Variants in USF3 observed in about 807,000 individuals in gnomAD.
USF3 encodes basic helix-loop-helix domain-containing protein USF3.
Under a neutral mutation model 157.5 loss-of-function variants are expected in USF3, and 29 were observed. The observed-to-expected ratio is 0.18, with a 90% CI of 0.14 to 0.25. The LOEUF is 0.25. USF3 is among the 10% of genes least tolerant of loss of function. The probability of loss-of-function intolerance (pLI) is 1.00; values close to 1 mark genes in which losing one functional copy is unlikely to be tolerated. For missense variants in USF3, 2,381 were observed against 2,667.6 expected, an observed-to-expected ratio of 0.89 and a Z score of 2.37; for synonymous variants, 893 against 941.4, an observed-to-expected ratio of 0.95 and a Z score of 0.94.
chr3:113,656,786 T>A lies in USF3; in HGVS notation c.4896A>T (p.Thr1632=). The change falls in exon 7 of 7, where the codon ACA becomes ACT. Residue 1632 remains threonine (T), a synonymous_variant. Coordinates refer to ENST00000316407, the MANE Select transcript of USF3 (RefSeq NM_001009899.4). ...CCATTTGCTGCTCTAAGCCTCTTGATGTCAAAAGCCTCTGCATTGGATTAT... is the reference window on the plus strand; with the variant it reads ...CCATTTGCTGCTCTAAGCCTCTTGAAGTCAAAAGCCTCTGCATTGGATTAT... ...SGHNPMQRLL[T]SRGLEQQMVS... The A allele has an allele frequency of 6.2e-7, 1 of 1,614,228 alleles. No homozygotes were observed. The highest frequency in any genetic ancestry group is 8.5e-7 in the Non-Finnish European group (1 of 1,180,032).
intron 3 of USF3, among the ~76,000 whole-genome samples, chr3:113,673,626 A>T (rs1244974821): frequency 6.6e-6 from 1 of 152,240 alleles, no homozygotes; most frequent in East Asian, 1.9e-4. Context: ...CCATACCCAG[A>T]AGTCATAGGT....
Position 113,657,226 on chromosome 3 carries a change from G to A in USF3, c.4456C>T (p.His1486Tyr). ...TGATGCTGCATTTGATATAAGTGATGCCTCTCTCTTAACTGCCCTGCTTGT... is the reference window on the plus strand; with the variant it reads ...TGATGCTGCATTTGATATAAGTGATACCTCTCTCTTAACTGCCCTGCTTGT... ...QQQAGQLRER[H>Y]HLYQMQHHVP... Residue 1486 changes from histidine to tyrosine, a missense_variant, in exon 7 of 7, where the codon CAT becomes TAT. Physicochemically the swap from His to Tyr is moderately conservative, Grantham distance 83 (BLOSUM62 2). Around this residue, in one of 6 missense-constraint regions of USF3, gnomAD observed 50 missense variants for 79.7 expected, o/e 0.63. Coordinates refer to ENST00000316407, the MANE Select transcript of USF3 (RefSeq NM_001009899.4). 1 of 1,613,686 alleles carries A rather than the reference G, an allele frequency of 6.2e-7. No individual in the cohort carries two copies. The highest frequency in any genetic ancestry group is 8.5e-7 in the Non-Finnish European group (1 of 1,179,972).
chr3:113,682,720 C>T (rs1559722870), intron 1 of USF3, among the ~76,000 whole-genome samples: 1 of 151,886 alleles, frequency 6.6e-6, no homozygotes, highest in African/African-American at 2.4e-5. Context: ...ATGATGTTGT[C>T]TTTTTTCATA....
chr3:113,695,206 C>G (rs1409700695), intron 1 of USF3, among the ~76,000 whole-genome samples: 1 of 152,198 alleles, frequency 6.6e-6, no homozygotes, highest in Non-Finnish European at 1.5e-5. Flanking sequence ...CTTCTGCTTT[C>G]AGAAGTGCAA....
intron 1 of USF3, among the ~76,000 whole-genome samples, chr3:113,690,948 G>A (rs1008947648): frequency 1.1e-4 from 16 of 152,124 alleles, no homozygotes; most frequent in African/African-American, 3.9e-4. Context: ...AGCACTTTGA[G>A]AGGCCAAGGG....
intron 5 of USF3, among the ~76,000 whole-genome samples, chr3:113,668,369 T>C (rs1245410697): frequency 5.9e-5 from 9 of 151,416 alleles, no homozygotes; most frequent in Non-Finnish European, 8.8e-5. Context: ...CCCAGAATAA[T>C]AGCAACCTCT....
rs149562327 is a variant in USF3, at chr3:113,688,769, G to C, written c.-135+7601C>G. ...ATTAATACAGATGCTGGCTGGGCGC[G>C]GTGGCTCACGCCTGTAACCCCAGCA... On this transcript the variant is annotated intron_variant, in intron 1 of 6. Coordinates refer to ENST00000316407, the MANE Select transcript of USF3 (RefSeq NM_001009899.4). Among the ~76,000 whole-genome samples, 671 of 152,308 alleles carry C rather than the reference G, an allele frequency of 4.4e-3. 7 individuals are homozygous for C. The highest frequency in any genetic ancestry group is 0.015 in the African/African-American group (630 of 41,554).
chr3:113,686,452 A>C (rs1261818395), intron 1 of USF3, among the ~76,000 whole-genome samples: 1 of 152,104 alleles, frequency 6.6e-6, no homozygotes, highest in Non-Finnish European at 1.5e-5. Context: ...GTGATCACTC[A>C]CCTGATTTTG....
At position 113,655,796 on chromosome 3, in the gene USF3, A is replaced by C. The variant is rs1225636966; in HGVS notation, c.5886T>G (p.Asp1962Glu). The C allele has an allele frequency of 6.2e-7, 1 of 1,614,120 alleles. No individual in the cohort carries two copies. The highest frequency in any genetic ancestry group is 1.7e-5 in the Admixed American group (1 of 60,012). Residue 1962 changes from aspartate (D) to glutamate (E), a missense_variant, in exon 7 of 7, where the codon GAT becomes GAG. Around this residue, in one of 6 missense-constraint regions of USF3, gnomAD observed 770 missense variants for 824.2 expected, o/e 0.93. Coordinates refer to ENST00000316407, the MANE Select transcript of USF3 (RefSeq NM_001009899.4). Reference sequence around the variant, plus strand: ...TAGCTTGACGTACAGCAGGGCCTTGATCGCCATTTCCATGAGACACAGATG... The same window carrying C: ...TAGCTTGACGTACAGCAGGGCCTTGCTCGCCATTTCCATGAGACACAGATG... Reference protein sequence around the residue: ...PHPSVSHGNGDQGPAVRQANS... With the variant: ...PHPSVSHGNGEQGPAVRQANS...
rs1227282343 is a variant in USF3 at position 113,657,403 on chromosome 3, C to T, written c.4279G>A (p.Ala1427Thr). Reference protein sequence around the residue: ...EVQCGSQPSVAEQQQTQASQH... With the variant: ...EVQCGSQPSVTEQQQTQASQH... ...CTTGCCTGGGTTTGCTGCTGTTCAG[C>T]AACTGAAGGCTGAGAACCACACTGA... Residue 1427 changes from alanine to threonine, a missense_variant, in exon 7 of 7, where the codon GCT becomes ACT. By Grantham distance (58) the Ala-to-Thr change is moderately conservative. Transcript: ENST00000316407. The T allele has an allele frequency of 4.3e-6, 7 of 1,614,006 alleles. No homozygotes were observed. The highest frequency in any genetic ancestry group is 5.9e-6 in the Non-Finnish European group (7 of 1,180,044).
Position 113,651,370 on chromosome 3 carries a change from G to C in USF3, c.*3574C>G, listed in dbSNP as rs574881799. ...CCAAAGCCAAGACTTGGGAATCACT[G>C]ATTTGGGAGTATGACTTACCACCAC... On this transcript the variant is annotated 3_prime_UTR_variant, in exon 7 of 7. Coordinates refer to ENST00000316407, the MANE Select transcript of USF3 (RefSeq NM_001009899.4). 19 of 152,288 alleles carry C rather than the reference G, an allele frequency of 1.2e-4. 1 individual carries two copies. The highest frequency in any genetic ancestry group is 3.9e-4 in the African/African-American group (16 of 41,556). 9.4% of individuals were successfully genotyped at this position (152,288 alleles called of 1,614,324 possible). A position where few individuals can be genotyped will look rare whatever the true frequency, so the allele number is the denominator to read the frequency against.
In USF3 at chr3:113,649,499, GTTTT is replaced by G. The variant is rs769258375; in HGVS notation, c.*5441_*5444del. 1.4e-4 allele frequency: 32 copies of G among 230,974 alleles called. No individual in the cohort carries two copies. Among genetic ancestry groups the G allele is most frequent in the Admixed American group, 2.9e-4 (5 of 17,352 alleles). 14.3% of individuals were successfully genotyped at this position (230,974 alleles called of 1,614,324 possible). On this transcript the variant is annotated 3_prime_UTR_variant, in exon 7 of 7. Coordinates refer to ENST00000316407, the MANE Select transcript of USF3 (RefSeq NM_001009899.4). Reference sequence around the variant, plus strand: ...AGTTTAACAGGAGTTTTGCTACTAGGTTTTTTTTTTGTTTTTTGTTTTTTTTTAC... The same window carrying G: ...AGTTTAACAGGAGTTTTGCTACTAGGTTTTTTGTTTTTTGTTTTTTTTTAC...
At position 113,657,260 on chromosome 3, in the gene USF3, CTGT is replaced by C. The variant is rs749978501; in HGVS notation, c.4419_4421del (p.Gln1478del). ...TTAACTGCCCTGCTTGTTGTTGTTG[CTGT>C]TGCTGCTGCTGCTGCTGCTGCTGCT... On this transcript the variant is annotated inframe_deletion, in exon 7 of 7. Transcript: ENST00000316407. The C allele has an allele frequency of 2.9e-5, 44 of 1,542,434 alleles. No individual in the cohort carries two copies. Among genetic ancestry groups the C allele is most frequent in the Admixed American group, 3.9e-5 (2 of 51,046 alleles).
chr3:113,673,419 G>A (rs1483870670), intron 3 of USF3, 43 bp from the exon 4 acceptor site: 4 of 1,249,018 alleles, frequency 3.2e-6, no homozygotes, highest in African/African-American at 1.5e-5. Context: ...GAAAATAATG[G>A]GAAAGTATTT....
chr3:113,679,239 T>A (rs1286848777), intron 1 of USF3, among the ~76,000 whole-genome samples: 2 of 150,782 alleles, frequency 1.3e-5, no homozygotes, highest in African/African-American at 2.4e-5. Flanking sequence ...AGTGTGGTGC[T>A]CAGATCACCT....
rs769735763 is a variant in USF3 at position 113,658,177 on chromosome 3, A to G, written c.3505T>C (p.Leu1169=). The G allele has an allele frequency of 1.7e-5, 28 of 1,614,098 alleles. No homozygotes were observed. The highest frequency in any genetic ancestry group is 2.2e-5 in the Non-Finnish European group (26 of 1,180,016). Residue 1169 remains leucine (L), a synonymous_variant, in exon 7 of 7, where the codon TTG becomes CTG. Transcript: ENST00000316407. ...TTGAAGGGTGGGTCTCCCTCTAACA[A>G]TGATGCTTCAGAAGGCTTTGAAGCA... The part of the protein sequence containing the change: ...EVASKPSEAS[L]LEGDPPFKSQ...
chr3:113,695,480 T>C (rs576127800), intron 1 of USF3, among the ~76,000 whole-genome samples: 1 of 152,360 alleles, frequency 6.6e-6, no homozygotes, highest in East Asian at 1.9e-4. Flanking sequence ...TCAAGAAATC[T>C]GTACGTTGTT....
chr3:113,688,910 A>G (rs1707620744), intron 1 of USF3, among the ~76,000 whole-genome samples: 1 of 152,172 alleles, frequency 6.6e-6, no homozygotes, highest in Admixed American at 6.5e-5. Context: ...GGGAGCCTGT[A>G]GTCCCAGCTA....
At chr3:113,681,726 T>C (rs1414696944) in intron 1 of USF3, among the ~76,000 whole-genome samples, 1 of 148,616 alleles carries the variant, frequency 6.7e-6, no homozygotes, top group African/African-American at 2.5e-5. Context: ...AAAAAAAAAT[T>C]TTTTTTTTTT....
Sources: gnomAD v4.1 joint callset for allele counts (sites outside exome capture counted in the v4.1 genomes callset) on GRCh38, gnomAD v4.1.1 for gene constraint, gnomAD v4.1.1 regional missense constraint, MANE v1.5 for transcripts, NCBI Gene and HGNC (gene_info 2026-07-23, HGNC 2026-07-21) for gene names.